Variants in CEP192 observed in about 807,000 individuals in gnomAD.
The protein encoded by CEP192 is centrosomal protein of 192 kDa.
Under a neutral mutation model 271.8 loss-of-function variants are expected in CEP192, and 151 were observed. The ratio of observed to expected loss-of-function variants is 0.56; its 90% confidence interval spans 0.49 to 0.64. The LOEUF is 0.64. CEP192 is among the 30% of genes least tolerant of loss of function. The pLI, the probability that CEP192 is intolerant of heterozygous loss-of-function variation, is 0.00. For missense variants in CEP192, 2,910 were observed against 3,020.5 expected, an observed-to-expected ratio of 0.96 and a Z score of 0.86; for synonymous variants, 995 against 1,076.5, an observed-to-expected ratio of 0.92 and a Z score of 1.48.
chr18:13,072,707 C>A, intron 28 of CEP192, 48 bp from the exon 29 acceptor site: 2 of 1,232,004 alleles, frequency 1.6e-6, no homozygotes, highest in Admixed American at 1.7e-5. Flanking sequence ...ATAATGGTAG[C>A]AATATCCATG....
chr18:13,068,056 G>C (rs372578322), intron 22 of CEP192, 38 bp from the exon 23 acceptor site: 3 of 1,610,988 alleles, frequency 1.9e-6, no homozygotes, highest in Non-Finnish European at 2.5e-6. Flanking sequence ...GCATTACACT[G>C]TTGGCTTTAC....
chr18:13,099,002 A>G (rs1350608162), intron 36 of CEP192, among the ~76,000 whole-genome samples: 1 of 151,876 alleles, frequency 6.6e-6, no homozygotes, highest in African/African-American at 2.4e-5. Flanking sequence ...ACACAGCGAA[A>G]CCCCGTCTCC....
At chr18:13,044,081 CATTAAT>C (rs1303134683) in intron 15 of CEP192, among the ~76,000 whole-genome samples, 11 of 152,034 alleles carry the variant, frequency 7.2e-5, no homozygotes, top group African/African-American at 2.7e-4. Context: ...TCAAATGAAA[CATTAAT>C]ATTATGTTTC....
chr18:13,022,085 C>G (rs2035027651), intron 9 of CEP192, among the ~76,000 whole-genome samples: 1 of 151,880 alleles, frequency 6.6e-6, no homozygotes, highest in African/African-American at 2.4e-5. Flanking sequence ...CATTTTTTTG[C>G]ATATAAATAT....
At chr18:13,012,600 CGT>C (rs1284648183) in intron 4 of CEP192, among the ~76,000 whole-genome samples, 1 of 152,104 alleles carries the variant, frequency 6.6e-6, no homozygotes, top group African/African-American at 2.4e-5. Flanking sequence ...TGTTGCGTCT[CGT>C]GTGTCAGTGC....
intron 21 of CEP192, among the ~76,000 whole-genome samples, chr18:13,059,997 A>C (rs1019867966): frequency 6.6e-6 from 1 of 152,224 alleles, no homozygotes; most frequent in African/African-American, 2.4e-5. Flanking sequence ...AAAAAAATTA[A>C]GGAATGTGAG....
At chr18:13,116,080 AC>A (rs2040415701) in intron 42 of CEP192, among the ~76,000 whole-genome samples, 2 of 152,140 alleles carry the variant, frequency 1.3e-5, no homozygotes. Flanking sequence ...CTGCAGCGTG[AC>A]GGGGCCAAGC....
chr18:13,092,880 T>C (rs1039332982), intron 34 of CEP192, among the ~76,000 whole-genome samples: 1 of 151,982 alleles, frequency 6.6e-6, no homozygotes, highest in Non-Finnish European at 1.5e-5. Flanking sequence ...TACGGCCAGG[T>C]ATGGTGGCTC....
In CEP192 at chr18:13,096,323, G is replaced by A. The variant is rs777041436; in HGVS notation, c.6557+16G>A. Reference sequence around the variant, plus strand: ...TCGCGCCAGAGTAAGTCTGACTTCTGTGTTGCTCTGCGTGTTACTTAGGTG... The same window carrying A: ...TCGCGCCAGAGTAAGTCTGACTTCTATGTTGCTCTGCGTGTTACTTAGGTG... On this transcript the variant is annotated intron_variant, in intron 36 of 44. Transcript: ENST00000506447. The A allele has an allele frequency of 6.2e-7, 1 of 1,607,830 alleles. No individual in the cohort carries two copies. Among genetic ancestry groups the A allele is most frequent in the South Asian group, 1.1e-5 (1 of 90,200 alleles).
At position 13,001,492 on chromosome 18, in the gene CEP192, G is replaced by C; in HGVS notation, c.200G>C (p.Gly67Ala). 6.5e-7 allele frequency: 1 copy of C among 1,549,830 alleles called. No homozygotes were observed. Among genetic ancestry groups the C allele is most frequent in the Admixed American group, 2.0e-5 (1 of 50,882 alleles). The change falls in exon 3 of 45, where the codon GGG (glycine) becomes GCG (alanine). Residue 67 changes from glycine to alanine, a missense_variant. Gly to Ala is a moderately conservative substitution (Grantham distance 60, BLOSUM62 0). Transcript: ENST00000506447. ...PDIQASYLVE[G>A]RFSVPSGSSP... ...ATCCAGGCATCTTACTTAGTAGAAGGGAGATTTTCAGTTCCATCCGGGTCA... is the reference window on the plus strand; with the variant it reads ...ATCCAGGCATCTTACTTAGTAGAAGCGAGATTTTCAGTTCCATCCGGGTCA...
Position 13,114,189 on chromosome 18 carries a change from A to C in CEP192, c.7227A>C (p.Lys2409Asn), listed in dbSNP as rs904970912. 5.6e-6 allele frequency: 9 copies of C among 1,614,024 alleles called. No individual in the cohort carries two copies. The Admixed American group carries it at 1.2e-4, about 21-fold the overall frequency. ...NACLSTDSLI[K>N]IDHLVKPRRQ... The stretch of plus-strand genomic sequence containing the variant: ...GCCTTTCCACGGATTCCCTCATTAA[A>C]ATAGATCATTTAGTTAAGCCCCGAA... Residue 2409 changes from lysine (K) to asparagine (N), a missense_variant, in exon 42 of 45, where the codon AAA (lysine) becomes AAC (asparagine). Transcript: ENST00000506447.
At position 13,084,345 on chromosome 18, in the gene CEP192, C is replaced by G. The variant is rs188955638; in HGVS notation, c.5617-2672C>G. Among the ~76,000 whole-genome samples the G allele has an allele frequency of 3.7e-3, 567 of 152,306 alleles. 2 individuals carry two copies. Among genetic ancestry groups the G allele is most frequent in the African/African-American group, 0.013 (534 of 41,558 alleles). The stretch of plus-strand genomic sequence containing the variant: ...CTCAGCAATGGTGGATGCCCCTCCC[C>G]CCGTCAGGCTACTGCCTTACAGGTG... On this transcript the variant is annotated intron_variant, in intron 30 of 44. Coordinates refer to ENST00000506447, the MANE Select transcript of CEP192 (RefSeq NM_032142.4).
At chr18:13,041,199 A>G (rs2036182887) in intron 14 of CEP192, among the ~76,000 whole-genome samples, 1 of 152,196 alleles carries the variant, frequency 6.6e-6, no homozygotes, top group Admixed American at 6.5e-5. Flanking sequence ...ATAATTTCAG[A>G]TGGGCTAGTT....
chr18:13,010,032 G>T (rs887826243), intron 4 of CEP192, among the ~76,000 whole-genome samples: 1 of 151,716 alleles, frequency 6.6e-6, no homozygotes, highest in Non-Finnish European at 1.5e-5. Context: ...AGTGCTGTGC[G>T]CCTTTAGTCC....
At position 13,018,430 on chromosome 18, in the gene CEP192, A is replaced by G. The variant is rs533000024; in HGVS notation, c.790-50A>G. On this transcript the variant is annotated intron_variant, in intron 7 of 44. Coordinates refer to ENST00000506447, the MANE Select transcript of CEP192 (RefSeq NM_032142.4). ...AAAGCCACATTTTCTCCCTCAAAAT[A>G]TTTCATTTTAATTTAAAAGATTAAT... The G allele has an allele frequency of 4.9e-5, 60 of 1,230,288 alleles. 2 individuals carry two copies. The South Asian group carries it at 6.3e-4, about 13-fold the overall frequency. The allele number at this position is 1,230,288 out of a possible 1,614,324, so 76.2% of individuals were successfully genotyped here. A position where few individuals can be genotyped will look rare whatever the true frequency, so the allele number is the denominator to read the frequency against.
At position 13,029,846 on chromosome 18, in the gene CEP192, A is replaced by G. The variant is rs774683718; in HGVS notation, c.1234A>G (p.Thr412Ala). The G allele has an allele frequency of 3.2e-6, 5 of 1,551,576 alleles. No individual in the cohort carries two copies. The highest frequency in any genetic ancestry group is 1.2e-5 in the South Asian group (1 of 84,062). Reference protein sequence around the residue: ...TVLHMDGCLDTETPTVSIQEN... With the variant: ...TVLHMDGCLDAETPTVSIQEN... ...TTTGCACATGGATGGATGTTTAGACACTGAGACTCCTACGGTGTCCATTCA... is the reference window on the plus strand; with the variant it reads ...TTTGCACATGGATGGATGTTTAGACGCTGAGACTCCTACGGTGTCCATTCA... The change falls in exon 10 of 45, where the codon ACT becomes GCT. Residue 412 changes from threonine to alanine, a missense_variant. By Grantham distance (58) the Thr-to-Ala change is moderately conservative. Transcript: ENST00000506447.
chr18:13,096,947 C>A (rs1192137887), intron 36 of CEP192, among the ~76,000 whole-genome samples: 1 of 152,212 alleles, frequency 6.6e-6, no homozygotes, highest in Non-Finnish European at 1.5e-5. Flanking sequence ...CTGGCCAGCA[C>A]ATGACTCCCA....
At position 13,116,450 on chromosome 18, in the gene CEP192, G is replaced by T. The variant is rs751820668; in HGVS notation, c.7363G>T (p.Glu2455Ter). 1.9e-6 allele frequency: 3 copies of T among 1,611,716 alleles called. No individual in the cohort carries two copies. Among genetic ancestry groups the T allele is most frequent in the Non-Finnish European group, 2.5e-6 (3 of 1,179,242 alleles). ...CAGGTTCCGGCCGACTAGTGTGGGG[G>T]AATCACGGACACTTAAAGTCAATCT... ...VYRFRPTSVG[E>*]SRTLKVNLRN... Residue 2455 changes from glutamate to a stop codon, truncating the protein, a stop_gained, in exon 43 of 45, where the codon GAA (glutamate) becomes TAA (stop). Coordinates refer to ENST00000506447, the MANE Select transcript of CEP192 (RefSeq NM_032142.4). LOFTEE classifies it high-confidence loss of function.
chr18:13,096,853 T>A (rs1231766896), intron 36 of CEP192, among the ~76,000 whole-genome samples: 1 of 152,208 alleles, frequency 6.6e-6, no homozygotes, highest in Non-Finnish European at 1.5e-5. Context: ...GCCGGCCATT[T>A]ATACACAGCT....
Sources: gnomAD v4.1 joint callset for allele counts (sites outside exome capture counted in the v4.1 genomes callset) on GRCh38, gnomAD v4.1.1 for gene constraint, MANE v1.5 for transcripts, NCBI Gene and HGNC (gene_info 2026-07-23, HGNC 2026-07-21) for gene names.